Variants in NELL1 observed in about 807,000 individuals in gnomAD.
The protein encoded by NELL1 is neural EGFL like 1.
A neutral mutation model predicts 107.4 loss-of-function variants in NELL1; 76 were observed. The ratio of observed to expected loss-of-function variants is 0.71; its 90% CI spans 0.59 to 0.86. The LOEUF (loss-of-function observed/expected upper bound fraction) is 0.86, where lower values mean the gene tolerates loss of function less well. Among genes scored for constraint, NELL1 ranks in the 40% least tolerant of loss-of-function variants. NELL1 has a pLI of 0.00. For synonymous variants in NELL1, 353 were observed against 341.2 expected (o/e 1.03, Z -0.38); for missense variants, 1,024 against 1,005.5 (o/e 1.02, Z -0.25).
At chr11:21,140,484 A>G (rs1294812880) in intron 13 of NELL1, among the ~76,000 whole-genome samples, 1 of 152,144 alleles carries the variant, frequency 6.6e-6, no homozygotes, top group African/African-American at 2.4e-5. Flanking sequence ...TCTTATTATT[A>G]CTTCAGTACA....
intron 3 of NELL1, among the ~76,000 whole-genome samples, chr11:20,794,799 G>A (rs1857139581): frequency 1.3e-5 from 2 of 152,110 alleles, no homozygotes; most frequent in African/African-American, 4.8e-5. Context: ...CCCCAGTTCG[G>A]TGATTAAAGG....
intron 12 of NELL1, among the ~76,000 whole-genome samples, chr11:21,028,024 T>C (rs1441600509): frequency 6.6e-6 from 1 of 152,172 alleles, no homozygotes; most frequent in Non-Finnish European, 1.5e-5. Flanking sequence ...AGCAAGAATA[T>C]GTCCCCATAC....
At chr11:21,355,843 G>T (rs1337353457) in intron 14 of NELL1, among the ~76,000 whole-genome samples, 1 of 152,054 alleles carries the variant, frequency 6.6e-6, no homozygotes, top group Non-Finnish European at 1.5e-5. Flanking sequence ...TTCCTTCTTG[G>T]CACCTCCTCT....
chr11:21,546,389 AC>A (rs1856442995), intron 16 of NELL1, among the ~76,000 whole-genome samples: 2 of 152,086 alleles, frequency 1.3e-5, no homozygotes, highest in Admixed American at 1.3e-4. Context: ...TCATGTCTAA[AC>A]AGCAATTCAG....
rs545387186 is a variant in NELL1, at chr11:21,171,345, A to T, written c.1426+57631A>T. On this transcript the variant is annotated intron_variant, in intron 13 of 19. Coordinates refer to ENST00000357134, the MANE Select transcript of NELL1 (RefSeq NM_006157.5). Reference sequence around the variant, plus strand: ...AAAGAAGAAGAAGAGAGCAAAATTCATCTGTAATCTCACGACAAGAAATAA... The same window carrying T: ...AAAGAAGAAGAAGAGAGCAAAATTCTTCTGTAATCTCACGACAAGAAATAA... 4.6e-5 allele frequency among the ~76,000 whole-genome samples: 7 copies of T among 152,022 alleles called. 1 individual carries two copies. The South Asian group carries it at 1.4e-3, about 31-fold the overall frequency.
At chr11:21,036,731 G>C (rs910295337) in intron 12 of NELL1, among the ~76,000 whole-genome samples, 18 of 151,266 alleles carry the variant, frequency 1.2e-4, no homozygotes, top group Non-Finnish European at 1.9e-4. Context: ...CTCTCTCTCT[G>C]TCTCACACAC....
At chr11:21,047,861 G>A (rs1463467828) in intron 12 of NELL1, among the ~76,000 whole-genome samples, 5 of 152,104 alleles carry the variant, frequency 3.3e-5, no homozygotes, top group Admixed American at 6.6e-5. Flanking sequence ...GGATGTGAGC[G>A]AATGGACACT....
chr11:20,952,001 T>C (rs1851077958), intron 11 of NELL1, among the ~76,000 whole-genome samples: 1 of 150,992 alleles, frequency 6.6e-6, no homozygotes, highest in East Asian at 1.9e-4. Context: ...AGCATCAATA[T>C]AGACCCAGCA....
At chr11:21,072,483 A>G (rs1854038086) in intron 12 of NELL1, among the ~76,000 whole-genome samples, 1 of 152,156 alleles carries the variant, frequency 6.6e-6, no homozygotes. Context: ...CATTTTAAAC[A>G]TCAATAGTTC....
At chr11:21,364,955 T>C (rs547052401) in intron 14 of NELL1, among the ~76,000 whole-genome samples, 110 of 152,314 alleles carry the variant, frequency 7.2e-4, no homozygotes, top group African/African-American at 2.4e-3. Context: ...TTCTATTAAG[T>C]ACCTTTCCTC....
chr11:20,895,904 T>C (rs1849726699), intron 5 of NELL1, among the ~76,000 whole-genome samples: 3 of 152,342 alleles, frequency 2.0e-5, no homozygotes, highest in African/African-American at 7.2e-5. Flanking sequence ...TTTTCTTTTT[T>C]TGGCTGAATA....
intron 12 of NELL1, among the ~76,000 whole-genome samples, chr11:21,034,406 C>A (rs7116664): frequency 6.6e-6 from 1 of 152,106 alleles, no homozygotes; most frequent in African/African-American, 2.4e-5. Context: ...TGGATCAAAT[C>A]AACCACAGAA....
intron 12 of NELL1, among the ~76,000 whole-genome samples, chr11:21,032,931 G>T (rs1852999961): frequency 6.6e-6 from 1 of 152,090 alleles, no homozygotes; most frequent in Admixed American, 6.5e-5. Flanking sequence ...TCTTTAGTGA[G>T]AACTGTTAGT....
chr11:20,828,376 G>A (rs1318892761), intron 3 of NELL1, among the ~76,000 whole-genome samples: 1 of 152,136 alleles, frequency 6.6e-6, no homozygotes, highest in African/African-American at 2.4e-5. Flanking sequence ...AGCCATATTT[G>A]AAATGTAGTC....
intron 12 of NELL1, among the ~76,000 whole-genome samples, chr11:20,987,806 T>C (rs1851883156): frequency 6.6e-6 from 1 of 152,184 alleles, no homozygotes; most frequent in Non-Finnish European, 1.5e-5. Flanking sequence ...CATCATACCA[T>C]TGCTCTGAGA....
intron 2 of NELL1, among the ~76,000 whole-genome samples, chr11:20,722,478 G>C (rs1395348868): frequency 6.6e-6 from 1 of 152,186 alleles, no homozygotes; most frequent in African/African-American, 2.4e-5. Context: ...GATAATACTA[G>C]TACACATTTT....
intron 12 of NELL1, among the ~76,000 whole-genome samples, chr11:21,052,844 G>T (rs1328952772): frequency 6.6e-6 from 1 of 152,130 alleles, no homozygotes; most frequent in Non-Finnish European, 1.5e-5. Context: ...GTGTCTGTGG[G>T]TGAGTCGAGG....
At chr11:21,284,714 T>C (rs1225535888) in intron 14 of NELL1, 2 of 349,564 alleles carry the variant, frequency 5.7e-6, no homozygotes, top group Non-Finnish European at 1.1e-5. Flanking sequence ...TTGAGACAGC[T>C]TCAAGGCAAT....
chr11:21,109,102 C>T (rs7933049), intron 12 of NELL1, among the ~76,000 whole-genome samples: 37,456 of 151,888 alleles, frequency 0.25, 4,944 homozygotes, highest in South Asian at 0.41. Context: ...CACCTGATAA[C>T]CTCCGAGCCT....
Sources: allele counts gnomAD v4.1 joint callset (sites outside exome capture counted in the v4.1 genomes callset), GRCh38; gene constraint gnomAD v4.1.1; transcripts MANE v1.5; gene names NCBI Gene and HGNC (gene_info 2026-07-23, HGNC 2026-07-21).